Variants in DPP10 observed in about 807,000 individuals in gnomAD.
DPP10 encodes the protein inactive dipeptidyl peptidase 10.
DPP10 carries 33 observed loss-of-function variants against 120.9 expected under a neutral mutation model. That is an observed-to-expected ratio of 0.27 (90% CI 0.21 to 0.37). The LOEUF (loss-of-function observed/expected upper bound fraction) is 0.37, where lower values mean the gene tolerates loss of function less well. Among genes scored for constraint, DPP10 ranks in the 10% least tolerant of loss-of-function variants. DPP10 has a pLI of 1.00. For missense variants in DPP10, 816 were observed against 942.8 expected (o/e 0.87, Z 1.76); for synonymous variants, 337 against 326.1 (o/e 1.03, Z -0.36).
intron 1 of DPP10, among the ~76,000 whole-genome samples, chr2:114,881,830 C>T (rs1054989985): frequency 1.8e-4 from 28 of 151,996 alleles, no homozygotes; most frequent in African/African-American, 1.5e-4. Flanking sequence ...GTTCTTTCCT[C>T]GGGTGAATTC....
intron 5 of DPP10, among the ~76,000 whole-genome samples, chr2:115,615,887 A>C (rs1049761764): frequency 3.9e-5 from 6 of 152,200 alleles, no homozygotes; most frequent in African/African-American, 1.4e-4. Flanking sequence ...TATAAGTATC[A>C]ATTAAATAGA....
chr2:115,005,177 C>G (rs1049349746), intron 1 of DPP10, among the ~76,000 whole-genome samples: 10 of 152,058 alleles, frequency 6.6e-5, no homozygotes, highest in Middle Eastern at 3.2e-3. Flanking sequence ...AGAAGGAAAA[C>G]TAACAAACAG....
At chr2:114,837,117 C>T (rs1419944075) in intron 1 of DPP10, among the ~76,000 whole-genome samples, 1 of 151,916 alleles carries the variant, frequency 6.6e-6, no homozygotes, top group Non-Finnish European at 1.5e-5. Flanking sequence ...TACAAGATGA[C>T]AGGATTAAGA....
chr2:115,760,525 G>A (rs1467599841), intron 11 of DPP10, among the ~76,000 whole-genome samples: 1 of 152,094 alleles, frequency 6.6e-6, no homozygotes, highest in African/African-American at 2.4e-5. Context: ...TAAAATCTGT[G>A]CATTTCACTA....
At chr2:114,876,419 G>A (rs1691169252) in intron 1 of DPP10, among the ~76,000 whole-genome samples, 1 of 152,050 alleles carries the variant, frequency 6.6e-6, no homozygotes. Context: ...AGGCAGAGTA[G>A]CAAATTGGAC....
chr2:115,489,496 A>G (rs2075978788), intron 3 of DPP10, among the ~76,000 whole-genome samples: 1 of 152,032 alleles, frequency 6.6e-6, no homozygotes, highest in African/African-American at 2.4e-5. Flanking sequence ...AGGTTAAAAT[A>G]GAGATCACAA....
intron 1 of DPP10, among the ~76,000 whole-genome samples, chr2:115,266,748 A>T (rs2059479571): frequency 6.6e-6 from 1 of 152,184 alleles, no homozygotes; most frequent in Non-Finnish European, 1.5e-5. Context: ...GTCAACTTTT[A>T]TGTACTGAGA....
chr2:115,610,866 AAT>A (rs2084050331), intron 5 of DPP10, among the ~76,000 whole-genome samples: 1 of 152,168 alleles, frequency 6.6e-6, no homozygotes, highest in Non-Finnish European at 1.5e-5. Context: ...ATCAGTAAAC[AAT>A]AGTGTCCTAA....
At chr2:115,655,006 G>T (rs1331666418) in intron 5 of DPP10, among the ~76,000 whole-genome samples, 1 of 151,166 alleles carries the variant, frequency 6.6e-6, no homozygotes, top group African/African-American at 2.4e-5. Flanking sequence ...ATTTTATCTT[G>T]TCTCTTTTTG....
chr2:115,061,637 G>A (rs1255678276), intron 1 of DPP10, among the ~76,000 whole-genome samples: 4 of 152,160 alleles, frequency 2.6e-5, no homozygotes, highest in Non-Finnish European at 4.4e-5. Flanking sequence ...TGATGGTGAT[G>A]ATTATAGAGA....
chr2:114,662,549 G>C (rs539263551), intron 1 of DPP10, among the ~76,000 whole-genome samples: 1 of 152,082 alleles, frequency 6.6e-6, no homozygotes, highest in Non-Finnish European at 1.5e-5. Context: ...ACCCAGCCCC[G>C]GAAATGAAGA....
At chr2:114,932,348 T>C (rs905380445) in intron 1 of DPP10, among the ~76,000 whole-genome samples, 11 of 152,228 alleles carry the variant, frequency 7.2e-5, no homozygotes, top group African/African-American at 2.4e-4. Context: ...TTCACTAAAA[T>C]ATATGAATGG....
At chr2:115,289,586 T>A (rs752937243) in intron 1 of DPP10, among the ~76,000 whole-genome samples, 4 of 151,158 alleles carry the variant, frequency 2.6e-5, no homozygotes, top group Non-Finnish European at 4.4e-5. Flanking sequence ...TCACATTAAC[T>A]CATTTCCAAT....
chr2:114,954,775 G>A (rs889192900), intron 1 of DPP10, among the ~76,000 whole-genome samples: 9 of 151,948 alleles, frequency 5.9e-5, no homozygotes, highest in African/African-American at 1.9e-4. Flanking sequence ...AAGTGAGAAA[G>A]GAGATACTAC....
At chr2:115,267,941 A>G (rs1431454902) in intron 1 of DPP10, among the ~76,000 whole-genome samples, 1 of 152,210 alleles carries the variant, frequency 6.6e-6, no homozygotes, top group Non-Finnish European at 1.5e-5. Flanking sequence ...CTGGCTCACA[A>G]ACATCTTACT....
intron 1 of DPP10, among the ~76,000 whole-genome samples, chr2:114,778,353 G>A (rs1681951225): frequency 6.6e-6 from 1 of 152,088 alleles, no homozygotes; most frequent in African/African-American, 2.4e-5. Context: ...TCATATAAAT[G>A]TGATTTGATC....
At chr2:115,218,811 A>G (rs985280463) in intron 1 of DPP10, among the ~76,000 whole-genome samples, 6 of 152,140 alleles carry the variant, frequency 3.9e-5, no homozygotes, top group African/African-American at 1.4e-4. Context: ...TTTTCTGACC[A>G]TAATTTGAAC....
At chr2:115,690,276 G>A (rs1366338903) in intron 7 of DPP10, among the ~76,000 whole-genome samples, 2 of 152,116 alleles carry the variant, frequency 1.3e-5, no homozygotes, top group African/African-American at 4.8e-5. Context: ...TTTTCTTAAA[G>A]CATTGTTCAG....
chr2:115,828,969 TAGC>T (rs1474791535), intron 21 of DPP10, among the ~76,000 whole-genome samples: 2 of 152,176 alleles, frequency 1.3e-5, no homozygotes, highest in African/African-American at 4.8e-5. Flanking sequence ...ATATTAAAGA[TAGC>T]AGTCTCTGTT....
Sources: gnomAD v4.1 joint callset for allele counts (sites outside exome capture counted in the v4.1 genomes callset) on GRCh38, gnomAD v4.1.1 for gene constraint, MANE v1.5 for transcripts, NCBI Gene and HGNC (gene_info 2026-07-23, HGNC 2026-07-21) for gene names.